The following PSMA1 variants were observed in gnomAD, a reference collection of about 807,000 sequenced individuals.
PSMA1 encodes the protein proteasome subunit alpha type-1.
A neutral mutation model predicts 38.4 loss-of-function variants in PSMA1; 3 were observed. The observed-to-expected ratio is 0.08, with a 90% CI of 0.04 to 0.20. The LOEUF (loss-of-function observed/expected upper bound fraction) is 0.20, where lower values mean the gene tolerates loss of function less well. PSMA1 is among the 10% of genes least tolerant of loss of function. The pLI, the probability that PSMA1 is intolerant of heterozygous loss-of-function variation, is 1.00. For missense variants in PSMA1, 227 were observed against 325.3 expected (o/e 0.70, Z 2.32); for synonymous variants, 101 against 107.1 (o/e 0.94, Z 0.35).
intron 2 of PSMA1, among the ~76,000 whole-genome samples, chr11:14,590,316 C>T (rs1203401014): frequency 6.6e-6 from 1 of 152,142 alleles, no homozygotes; most frequent in Non-Finnish European, 1.5e-5. Context: ...GCACATTCAA[C>T]ACGGTTAAGA....
chr11:14,622,419 T>G (rs1472282088), intron 1 of PSMA1, among the ~76,000 whole-genome samples: 1 of 152,202 alleles, frequency 6.6e-6, no homozygotes, highest in Admixed American at 6.5e-5. Flanking sequence ...ATACATTACA[T>G]TGATGACATT....
At chr11:14,591,347 C>T (rs550771209) in intron 2 of PSMA1, among the ~76,000 whole-genome samples, 11 of 152,170 alleles carry the variant, frequency 7.2e-5, no homozygotes, top group Non-Finnish European at 1.6e-4. Context: ...AGCCTCCCAC[C>T]CACTCTGTGG....
At chr11:14,586,001 T>C (rs753959074) in intron 2 of PSMA1, among the ~76,000 whole-genome samples, 2 of 152,240 alleles carry the variant, frequency 1.3e-5, no homozygotes, top group African/African-American at 4.8e-5. Flanking sequence ...TGAAAAAATT[T>C]ACAATCTTGC....
At chr11:14,586,772 T>G (rs1396127045) in intron 2 of PSMA1, among the ~76,000 whole-genome samples, 1 of 150,028 alleles carries the variant, frequency 6.7e-6, no homozygotes, top group Non-Finnish European at 1.5e-5. Context: ...CTTTCTTTCT[T>G]TTTTTTTTAG....
rs199580522 is a variant in PSMA1, at chr11:14,517,740, C to T, written c.156G>A (p.Ala52=). 2.8e-4 allele frequency: 444 copies of T among 1,590,198 alleles called. 2 individuals carry two copies. The highest frequency in any genetic ancestry group is 2.1e-4 in the Non-Finnish European group (244 of 1,172,034). The stretch of plus-strand genomic sequence containing the variant: ...TCTGATGAGCTGCAAGCTCTGATTG[C>T]GCCCTCTAAATAGAGACATTATAAG... ...THAVLVALKR[A]QSELAAHQKK... The change falls in exon 4 of 10, where the codon GCG becomes GCA. Residue 52 remains alanine, a synonymous_variant. Transcript: ENST00000396394.
chr11:14,633,681 T>G (rs1230967526), intron 1 of PSMA1, among the ~76,000 whole-genome samples: 4 of 152,188 alleles, frequency 2.6e-5, no homozygotes, highest in Admixed American at 2.0e-4. Context: ...TCGAGCTTCC[T>G]GGCTGCTTTG....
At chr11:14,521,535 C>A (rs1211465583), upstream of PSMA1, among the ~76,000 whole-genome samples, 1 of 150,546 alleles carries the variant, frequency 6.6e-6, no homozygotes, top group Non-Finnish European at 1.5e-5. Context: ...CTTGTAATCC[C>A]AACACTTTGG....
chr11:14,524,153 G>C (rs1851562252), upstream of PSMA1, among the ~76,000 whole-genome samples: 1 of 147,014 alleles, frequency 6.8e-6, no homozygotes, highest in Non-Finnish European at 1.5e-5. Context: ...GGGAGGGAGA[G>C]AGAGAGGGAG....
chr11:14,540,243 T>C (rs1310917591), intron 2 of PSMA1, among the ~76,000 whole-genome samples: 1 of 152,174 alleles, frequency 6.6e-6, no homozygotes, highest in Non-Finnish European at 1.5e-5. Flanking sequence ...CTTGTCTTTT[T>C]GCAACTAAGA....
At chr11:14,555,673 C>T (rs976282758) in intron 2 of PSMA1, among the ~76,000 whole-genome samples, 1 of 152,098 alleles carries the variant, frequency 6.6e-6, no homozygotes, top group African/African-American at 2.4e-5. Flanking sequence ...CTCTTGATTT[C>T]CTACTATGGT....
intron 8 of PSMA1, among the ~76,000 whole-genome samples, chr11:14,509,020 G>T (rs1851296782): frequency 6.6e-6 from 1 of 152,026 alleles, no homozygotes; most frequent in Non-Finnish European, 1.5e-5. Context: ...ATCTCTTCCA[G>T]TCCAGACTCT....
At chr11:14,611,976 C>G (rs1852714048) in intron 1 of PSMA1, among the ~76,000 whole-genome samples, 1 of 152,230 alleles carries the variant, frequency 6.6e-6, no homozygotes, top group Non-Finnish European at 1.5e-5. Flanking sequence ...CTGAAAGTGA[C>G]AGACTTGCCA....
At chr11:14,632,354 C>T (rs1158061230) in intron 1 of PSMA1, among the ~76,000 whole-genome samples, 1 of 148,054 alleles carries the variant, frequency 6.8e-6, no homozygotes, top group African/African-American at 2.5e-5. Context: ...TCTTGTAAGG[C>T]AGGCCTGGTG....
chr11:14,638,178 A>G (rs988607265), intron 1 of PSMA1, among the ~76,000 whole-genome samples: 4 of 152,142 alleles, frequency 2.6e-5, no homozygotes, highest in African/African-American at 9.7e-5. Context: ...CTAGATCAGA[A>G]TGACGCTAAA....
intron 2 of PSMA1, among the ~76,000 whole-genome samples, chr11:14,578,064 G>T (rs1388698493): frequency 2.0e-5 from 3 of 151,864 alleles, no homozygotes; most frequent in African/African-American, 7.3e-5. Flanking sequence ...TCACACACCG[G>T]GGCCTGTTGG....
intron 7 of PSMA1, among the ~76,000 whole-genome samples, chr11:14,511,784 AT>A (rs1400142745): frequency 6.6e-6 from 1 of 152,206 alleles, no homozygotes; most frequent in Non-Finnish European, 1.5e-5. Flanking sequence ...TATATTCATC[AT>A]TGTACCAGAG....
intron 7 of PSMA1, among the ~76,000 whole-genome samples, chr11:14,511,956 A>C (rs1332786715): frequency 6.6e-6 from 1 of 152,264 alleles, no homozygotes; most frequent in East Asian, 1.9e-4. Context: ...ATTTCTATAT[A>C]GTTGCAATGA....
Position 14,580,132 on chromosome 11 carries a change from G to A in PSMA1, c.21+30834C>T, listed in dbSNP as rs186492432. Among the ~76,000 whole-genome samples, 347 of 152,274 alleles carry A rather than the reference G, an allele frequency of 2.3e-3. 3 individuals are homozygous for A. The highest frequency in any genetic ancestry group is 4.9e-3 in the Admixed American group (75 of 15,290). On this transcript the variant is annotated intron_variant, in intron 2 of 10. Coordinates refer to the PSMA1 transcript ENST00000418988. ...ATACAAATGTAATCATGTCACTCTC[G>A]CTTGAGATCTCATTGGCTGTCTATG... is the stretch of plus-strand genomic sequence containing the variant.
At chr11:14,635,957 T>C (rs553161990) in intron 1 of PSMA1, among the ~76,000 whole-genome samples, 49 of 152,334 alleles carry the variant, frequency 3.2e-4, no homozygotes, top group African/African-American at 9.6e-4. Flanking sequence ...TAGGGAAGAC[T>C]GTAGGTAGTA....
Sources: allele counts gnomAD v4.1 joint callset (sites outside exome capture counted in the v4.1 genomes callset), GRCh38; gene constraint gnomAD v4.1.1; transcripts MANE v1.5; gene names NCBI Gene and HGNC (gene_info 2026-07-23, HGNC 2026-07-21).